Variants in PCLO observed in about 807,000 individuals in gnomAD.
PCLO encodes protein piccolo.
PCLO carries 82 observed loss-of-function variants against 427.5 expected under a neutral mutation model. That is an observed-to-expected ratio of 0.19 (90% CI 0.16 to 0.23). PCLO has a LOEUF of 0.23. Ranked by LOEUF, PCLO falls within the 10% of genes least tolerant of loss-of-function variation. The probability of loss-of-function intolerance (pLI) is 1.00; values close to 1 mark genes in which losing one functional copy is unlikely to be tolerated. For synonymous variants in PCLO, 2,357 were observed against 2,155.4 expected (o/e 1.09, Z -2.59); for missense variants, 6,239 against 6,115.9 (o/e 1.02, Z -0.67).
intron 17 of PCLO, among the ~76,000 whole-genome samples, chr7:82,826,862 T>C (rs1791958675): frequency 6.6e-6 from 1 of 152,054 alleles, no homozygotes; most frequent in East Asian, 1.9e-4. Flanking sequence ...AACTAGTGTT[T>C]GATCATGGGG....
intron 16 of PCLO, among the ~76,000 whole-genome samples, chr7:82,833,197 A>T (rs1294608478): frequency 1.3e-5 from 2 of 151,974 alleles, no homozygotes; most frequent in Non-Finnish European, 2.9e-5. Flanking sequence ...CAGAGGAAAT[A>T]GTTTGATAGG....
intron 16 of PCLO, among the ~76,000 whole-genome samples, chr7:82,834,472 C>T (rs1018159853): frequency 3.9e-5 from 6 of 152,172 alleles, no homozygotes; most frequent in East Asian, 1.9e-4. Context: ...GAAATATTTA[C>T]GTATTTATGC....
intron 21 of PCLO, among the ~76,000 whole-genome samples, chr7:82,805,008 C>T (rs1326981770): frequency 6.6e-6 from 1 of 151,902 alleles, no homozygotes; most frequent in Non-Finnish European, 1.5e-5. Context: ...ACATATTTAT[C>T]TTAAATGCCA....
chr7:82,923,583 C>A (rs1306612296), intron 6 of PCLO, among the ~76,000 whole-genome samples: 1 of 152,048 alleles, frequency 6.6e-6, no homozygotes, highest in Non-Finnish European at 1.5e-5. Flanking sequence ...TGTTAGGTAG[C>A]AATCAGTGTG....
chr7:83,054,730 T>A (rs1789336539), intron 3 of PCLO, among the ~76,000 whole-genome samples: 1 of 151,960 alleles, frequency 6.6e-6, no homozygotes, highest in African/African-American at 2.4e-5. Flanking sequence ...AGTACAATTT[T>A]AATACAAATA....
rs773865821 is a variant in PCLO at position 82,955,892 on chromosome 7, T to C, written c.5061A>G (p.Lys1687=). ...CTTCGTCAAAATACAAACTTGTTTT[T>C]TTCTGTGATGACTCTGCAGAATATT... The part of the protein sequence containing the change: ...ADKYSAESSQ[K]KTSLYFDEEP... The change falls in exon 5 of 25, where the codon AAA becomes AAG. Residue 1687 remains lysine, a synonymous_variant. Coordinates refer to ENST00000333891, the MANE Select transcript of PCLO (RefSeq NM_033026.6). 3 of 1,613,940 alleles carry C rather than the reference T, an allele frequency of 1.9e-6. No homozygotes were observed. The highest frequency in any genetic ancestry group is 2.2e-5 in the South Asian group (2 of 91,082).
intron 7 of PCLO, among the ~76,000 whole-genome samples, chr7:82,911,151 A>G (rs1259844460): frequency 1.3e-5 from 2 of 152,116 alleles, no homozygotes; most frequent in South Asian, 2.1e-4. Flanking sequence ...ATTACCAATA[A>G]TTCTGATTAT....
chr7:82,923,112 T>C (rs1221773672), intron 6 of PCLO, among the ~76,000 whole-genome samples: 1 of 152,044 alleles, frequency 6.6e-6, no homozygotes, highest in African/African-American at 2.4e-5. Flanking sequence ...TAAGGTGAGT[T>C]AGACGAGTAT....
intron 9 of PCLO, among the ~76,000 whole-genome samples, chr7:82,896,538 A>G (rs1183990133): frequency 6.6e-6 from 1 of 151,728 alleles, no homozygotes; most frequent in Non-Finnish European, 1.5e-5. Context: ...GAGTCTTTGC[A>G]AAGATGGAAA....
intron 22 of PCLO, among the ~76,000 whole-genome samples, chr7:82,793,251 TCTATGCCAGTG>T (rs1367030335): frequency 6.6e-6 from 1 of 152,112 alleles, no homozygotes; most frequent in Admixed American, 6.5e-5. Context: ...AGAGTCACAT[TCTATGCCAGTG>T]CTATCCCTGG....
chr7:82,761,237 T>G lies in PCLO; in HGVS notation c.15142+122A>C, dbSNP rs546430532. The G allele has an allele frequency of 4.4e-5, 25 of 568,902 alleles. No homozygotes were observed. The South Asian group carries it at 5.9e-4, about 13-fold the overall frequency. The allele number at this position is 568,902 out of a possible 1,614,324, so 35.2% of individuals were successfully genotyped here. ...GAAAACAACTTGTTACATATGTTAA[T>G]CAGTTATTTTTTCTGACATATTTGG... is the stretch of plus-strand genomic sequence containing the variant. On this transcript the variant is annotated intron_variant, in intron 23 of 24. Transcript: ENST00000333891.
chr7:82,988,881 C>G (rs1404821093), intron 3 of PCLO, among the ~76,000 whole-genome samples: 2 of 151,720 alleles, frequency 1.3e-5, no homozygotes, highest in African/African-American at 4.8e-5. Context: ...GTTGCCCAGG[C>G]TGGAGTGCAG....
chr7:82,851,357 T>C (rs1792649553), intron 10 of PCLO, among the ~76,000 whole-genome samples: 1 of 151,792 alleles, frequency 6.6e-6, no homozygotes, highest in Non-Finnish European at 1.5e-5. Flanking sequence ...GGTGGATCCA[T>C]CCTGAAGTCT....
At chr7:82,817,728 C>G (rs903985247) in intron 20 of PCLO, among the ~76,000 whole-genome samples, 8 of 152,148 alleles carry the variant, frequency 5.3e-5, no homozygotes, top group African/African-American at 1.7e-4. Context: ...TCAGCCACAT[C>G]AGGGAACTCG....
intron 6 of PCLO, among the ~76,000 whole-genome samples, chr7:82,943,386 ATTT>A (rs946145614): frequency 6.6e-6 from 1 of 151,492 alleles, no homozygotes; most frequent in Non-Finnish European, 1.5e-5. Context: ...ATTGTAGCTA[ATTT>A]TTTTTTAGCA....
intron 3 of PCLO, 133 bp downstream of exon 3, chr7:83,134,117 A>G (rs1584068519): frequency 1.0e-5 from 3 of 289,638 alleles, no homozygotes; most frequent in African/African-American, 6.5e-5. Flanking sequence ...TGAAACTTCT[A>G]AGATTATCAA....
chr7:83,134,237 A>C lies in PCLO; in HGVS notation c.3300+13T>G. Reference sequence around the variant, plus strand: ...ATATGTAATATATATATATATATATATATATAACTTACCTCAGTCAAATGT... The same window carrying C: ...ATATGTAATATATATATATATATATCTATATAACTTACCTCAGTCAAATGT... On this transcript the variant is annotated intron_variant, in intron 3 of 24. Coordinates refer to ENST00000333891, the MANE Select transcript of PCLO (RefSeq NM_033026.6). The C allele has an allele frequency of 1.1e-6, 1 of 938,152 alleles. No homozygotes were observed. Among genetic ancestry groups the C allele is most frequent in the Non-Finnish European group, 1.5e-6 (1 of 646,998 alleles). The allele number at this position is 938,152 out of a possible 1,614,324, so 58.1% of individuals were successfully genotyped here.
chr7:83,154,789 A>C lies in PCLO; in HGVS notation c.1852T>G (p.Cys618Gly). Residue 618 changes from cysteine to glycine, a missense_variant, in exon 2 of 25, where the codon TGT (cysteine) becomes GGT (glycine). Coordinates refer to ENST00000333891, the MANE Select transcript of PCLO (RefSeq NM_033026.6). ...NTCTECQTTV[C>G]SLCGFNPNPH... is the part of the protein sequence containing the mutation. ...TTGGGATTAAAACCACAGAGACTAC[A>C]GACAGTGGTTTGACACTCAGTGCAT... 1 of 1,614,018 alleles carries C rather than the reference A, an allele frequency of 6.2e-7. No individual in the cohort carries two copies. The highest frequency in any genetic ancestry group is 8.5e-7 in the Non-Finnish European group (1 of 1,179,868).
chr7:82,929,048 T>A (rs1240893823), intron 6 of PCLO, among the ~76,000 whole-genome samples: 1 of 152,010 alleles, frequency 6.6e-6, no homozygotes, highest in African/African-American at 2.4e-5. Flanking sequence ...GAAAGAGTAG[T>A]TTTTAGGGAA....
Sources: gnomAD v4.1 joint callset for allele counts (sites outside exome capture counted in the v4.1 genomes callset) on GRCh38, gnomAD v4.1.1 for gene constraint, MANE v1.5 for transcripts, NCBI Gene and HGNC (gene_info 2026-07-23, HGNC 2026-07-21) for gene names.